PDGFRB: variants seen among roughly 807,000 people sequenced by gnomAD.
PDGFRB encodes platelet derived growth factor receptor beta.
PDGFRB carries 42 observed loss-of-function variants against 120.2 expected under a neutral mutation model. The observed-to-expected ratio is 0.35, with a 90% CI of 0.27 to 0.45. The LOEUF (loss-of-function observed/expected upper bound fraction) is 0.45, where lower values mean the gene tolerates loss of function less well. Among genes scored for constraint, PDGFRB ranks in the 20% least tolerant of loss-of-function variants. The probability of loss-of-function intolerance (pLI) is 1.00; values close to 1 mark genes in which losing one functional copy is unlikely to be tolerated. For synonymous variants in PDGFRB, 586 were observed against 606.8 expected, an observed-to-expected ratio of 0.97 and a Z score of 0.50; for missense variants, 1,149 against 1,476.3, an observed-to-expected ratio of 0.78 and a Z score of 3.63.
intron 1 of PDGFRB, among the ~76,000 whole-genome samples, chr5:150,148,875 G>C (rs561235475): frequency 6.6e-6 from 1 of 152,294 alleles, no homozygotes; most frequent in Non-Finnish European, 1.5e-5. Context: ...GCCAGGGAAA[G>C]GTATGGCCAG....
In PDGFRB at chr5:150,122,952, C is replaced by A. The variant is rs906944807; in HGVS notation, c.2183+90G>T. On this transcript the variant is annotated intron_variant, in intron 15 of 22. Transcript: ENST00000261799. ...GATTCTGTCCCCTGCCCTGTCACAG[C>A]CTCAGCTTCCCCTCCTGGACAAAAG... The A allele has an allele frequency of 4.2e-6, 5 of 1,185,240 alleles. No individual in the cohort carries two copies. The African/African-American group carries it at 6.0e-5, about 14-fold the overall frequency. 73.4% of individuals were successfully genotyped at this position (1,185,240 alleles called of 1,614,324 possible).
In PDGFRB at chr5:150,120,124, C is replaced by G. The variant is rs113511836; in HGVS notation, c.2587-1G>C. The G allele has an allele frequency of 7.0e-7, 1 of 1,428,954 alleles. No homozygotes were observed. The highest frequency in any genetic ancestry group is 1.1e-5 in the South Asian group (1 of 87,414). The allele number at this position is 1,428,954 out of a possible 1,614,324, so 88.5% of individuals were successfully genotyped here. On this transcript the variant is annotated splice_acceptor_variant, in intron 18 of 22. Coordinates refer to ENST00000261799, the MANE Select transcript of PDGFRB (RefSeq NM_002609.4). LOFTEE classifies it high-confidence loss of function. The surrounding 1 kb of genome is among the most constrained non-coding windows in gnomAD (Gnocchi z 4.3). Reference sequence around the variant, plus strand: ...CCATCCACTTTAAAGGCAAAAAGGTCTGTAGGGAGGTCAGGACAGGTGCTG... The same window carrying G: ...CCATCCACTTTAAAGGCAAAAAGGTGTGTAGGGAGGTCAGGACAGGTGCTG...
intron 4 of PDGFRB, 64 bp from the exon 5 acceptor site, chr5:150,134,072 G>C: frequency 6.7e-7 from 1 of 1,503,322 alleles, no homozygotes; most frequent in Non-Finnish European, 9.2e-7. Flanking sequence ...CTTCAGCTTG[G>C]GGATAGGGTA....
chr5:150,126,438 C>A, intron 11 of PDGFRB, 82 bp downstream of exon 11: 1 of 817,246 alleles, frequency 1.2e-6, no homozygotes. Context: ...GATCACGCAG[C>A]ATTCAAGGAG....
rs1466057843 is a variant in PDGFRB, at chr5:150,121,448, TA to T, written c.2345-127del. 2 of 689,930 alleles carry T rather than the reference TA, an allele frequency of 2.9e-6. No homozygotes were observed. Among genetic ancestry groups the T allele is most frequent in the South Asian group, 1.6e-5 (1 of 61,516 alleles). 42.7% of individuals were successfully genotyped at this position (689,930 alleles called of 1,614,324 possible). ...GGCTACTGATCGTCTAGGTCTCCCC[TA>T]AAAGGAGAATGATTTCTTAATATCA... On this transcript the variant is annotated intron_variant, in intron 16 of 22. Transcript: ENST00000261799. This position sits in a 1 kb window ranked among gnomAD's most constrained non-coding sequence, Gnocchi z 4.1.
chr5:150,130,504 G>A, intron 9 of PDGFRB, 35 bp downstream of exon 9: 3 of 1,602,450 alleles, frequency 1.9e-6, no homozygotes, highest in Non-Finnish European at 2.6e-6. Context: ...TAGCCAGCTG[G>A]GGACACTGGG....
In PDGFRB at chr5:150,132,292, G is replaced by A. The variant is rs1760488787; in HGVS notation, c.1128-198C>T. The stretch of plus-strand genomic sequence containing the variant: ...CAGTTCCCCTAGGCCAAGAGGGAGG[G>A]TTGAGATGAACTGTGGGTGGGGGTG... On this transcript the variant is annotated intron_variant, in intron 7 of 22. Transcript: ENST00000261799. The surrounding 1 kb of genome is among the most constrained non-coding windows in gnomAD (Gnocchi z 5.0). Among the ~76,000 whole-genome samples the A allele has an allele frequency of 6.6e-6, 1 of 152,180 alleles. No individual in the cohort carries two copies. The highest frequency in any genetic ancestry group is 2.1e-4 in the South Asian group (1 of 4,834).
At chr5:150,133,007 GC>G in intron 6 of PDGFRB, 65 bp from the exon 7 acceptor site, 1 of 1,187,176 alleles carries the variant, frequency 8.4e-7, no homozygotes, top group Non-Finnish European at 1.2e-6. Flanking sequence ...CCCAAAGGAG[GC>G]CAGCCTGTGG....
Position 150,135,585 on chromosome 5 carries a change from C to T in PDGFRB, c.334G>A (p.Glu112Lys), listed in dbSNP as rs749932332. The change falls in exon 3 of 23, where the codon GAG (glutamate) becomes AAG (lysine). Residue 112 changes from glutamate to lysine, a missense_variant. Physicochemically the swap from Glu to Lys is moderately conservative, Grantham distance 56. Around this residue, in one of 3 missense-constraint regions of PDGFRB, gnomAD observed 879 missense variants for 1,108.6 expected, o/e 0.79. Coordinates refer to ENST00000261799, the MANE Select transcript of PDGFRB (RefSeq NM_002609.4). ...HNDSRGLETD[E>K]RKRLYIFVPD... Reference sequence around the variant, plus strand: ...ACAAAGATGTAGAGCCGTTTCCGCTCATCGGTCTCCAGTCCACGGGAGTCA... The same window carrying T: ...ACAAAGATGTAGAGCCGTTTCCGCTTATCGGTCTCCAGTCCACGGGAGTCA... 183 of 1,612,052 alleles carry T rather than the reference C, an allele frequency of 1.1e-4. No individual in the cohort carries two copies. Among genetic ancestry groups the T allele is most frequent in the Admixed American group, 3.0e-4 (18 of 59,854 alleles).
chr5:150,124,556 G>A, intron 13 of PDGFRB, 171 bp downstream of exon 13: 1 of 618,758 alleles, frequency 1.6e-6, no homozygotes, highest in Non-Finnish European at 2.9e-6. Context: ...CCAGGGAGAG[G>A]AACGCTCTTT....
chr5:150,133,899 C>A lies in PDGFRB; in HGVS notation c.741G>T (p.Trp247Cys). The change falls in exon 5 of 23, where the codon TGG becomes TGT. Residue 247 changes from tryptophan to cysteine, a missense_variant. Physicochemically the swap from Trp to Cys is radical, Grantham distance 215. Coordinates refer to ENST00000261799, the MANE Select transcript of PDGFRB (RefSeq NM_002609.4). The part of the protein sequence containing the change: ...VIGNEVVNFE[W>C]TYPRKESGRL... ...ACATTACTTCTTTGCGGGGGTATGT[C>A]CACTCGAAGTTGACCACCTCATTCC... 6.2e-7 allele frequency: 1 copy of A among 1,614,122 alleles called. No individual in the cohort carries two copies. Among genetic ancestry groups the A allele is most frequent in the East Asian group, 2.2e-5 (1 of 44,872 alleles).
intron 22 of PDGFRB, 94 bp downstream of exon 22, chr5:150,117,524 G>T (rs1228170600): frequency 7.2e-6 from 5 of 695,674 alleles, no homozygotes; most frequent in Admixed American, 2.5e-5. Flanking sequence ...AGGCAAACCT[G>T]GCAGCGCGCG....
At chr5:150,122,657 T>C (rs1006268809) in intron 15 of PDGFRB, among the ~76,000 whole-genome samples, 4 of 152,228 alleles carry the variant, frequency 2.6e-5, no homozygotes, top group Non-Finnish European at 5.9e-5. Context: ...TTGAGCTCCC[T>C]GAGAGGCAGT....
chr5:150,133,871 C>T lies in PDGFRB; in HGVS notation c.759+10G>A, dbSNP rs567430803. ...GCCCCTCCTCCGACCCCTGCCTGGCCCCACATTACTTCTTTGCGGGGGTAT... is the reference window on the plus strand; with the variant it reads ...GCCCCTCCTCCGACCCCTGCCTGGCTCCACATTACTTCTTTGCGGGGGTAT... On this transcript the variant is annotated intron_variant, in intron 5 of 22. Transcript: ENST00000261799. The T allele has an allele frequency of 6.2e-7, 1 of 1,614,106 alleles. No individual in the cohort carries two copies. Among genetic ancestry groups the T allele is most frequent in the Admixed American group, 1.7e-5 (1 of 60,024 alleles).
rs144608003 is a variant in PDGFRB at position 150,154,300 on chromosome 5, C to T, written c.-7+1097G>A. Among the ~76,000 whole-genome samples the T allele has an allele frequency of 2.1e-3, 322 of 152,182 alleles. 1 individual carries two copies. Among genetic ancestry groups the T allele is most frequent in the African/African-American group, 7.6e-3 (315 of 41,532 alleles). On this transcript the variant is annotated intron_variant, in intron 1 of 22. Coordinates refer to ENST00000261799, the MANE Select transcript of PDGFRB (RefSeq NM_002609.4). ...TCTGGGAATTCTGGGATCTGACTGGCGGGAACAAAAGGCCCAAGTTTGGAG... is the reference window on the plus strand; with the variant it reads ...TCTGGGAATTCTGGGATCTGACTGGTGGGAACAAAAGGCCCAAGTTTGGAG...
Position 150,137,051 on chromosome 5 carries a change from G to C in PDGFRB, c.-4C>G, listed in dbSNP as rs758326379. The C allele has an allele frequency of 3.7e-6, 6 of 1,613,030 alleles. No homozygotes were observed. Among genetic ancestry groups the C allele is most frequent in the Non-Finnish European group, 5.1e-6 (6 of 1,179,426 alleles). On this transcript the variant is annotated splice_region_variant and 5_prime_UTR_variant, in exon 2 of 23. Coordinates refer to ENST00000261799, the MANE Select transcript of PDGFRB (RefSeq NM_002609.4). ...GCATCGCACCCGGAAGCCGCATGGT[G>C]TCCTGCAGAGTTAAACAGGAGTCAG...
chr5:150,131,503 CCT>C (rs1760465457), intron 8 of PDGFRB, among the ~76,000 whole-genome samples: 1 of 152,202 alleles, frequency 6.6e-6, no homozygotes, highest in South Asian at 2.1e-4. Context: ...CTACCCGGCC[CCT>C]GTTTTTCCTC....
chr5:150,123,266 G>A, intron 14 of PDGFRB, 65 bp from the exon 15 acceptor site: 1 of 1,272,402 alleles, frequency 7.9e-7, no homozygotes, highest in Non-Finnish European at 1.1e-6. Flanking sequence ...AAGGCCATGA[G>A]GCTAATCAGG....
Position 150,121,109 on chromosome 5 carries a change from G to A in PDGFRB, c.2463+95C>T, listed in dbSNP as rs1242113887. 7 of 1,427,580 alleles carry A rather than the reference G, an allele frequency of 4.9e-6. No homozygotes were observed. The highest frequency in any genetic ancestry group is 4.2e-5 in the African/African-American group (3 of 71,136). 88.4% of individuals were successfully genotyped at this position (1,427,580 alleles called of 1,614,324 possible). On this transcript the variant is annotated intron_variant, in intron 17 of 22. Coordinates refer to ENST00000261799, the MANE Select transcript of PDGFRB (RefSeq NM_002609.4). This position sits in a 1 kb window ranked among gnomAD's most constrained non-coding sequence, Gnocchi z 4.1. ...GGAAAATACAACACTGCCCATGTGC[G>A]AGAGGCCACCCTGGTGTGCTCTTGG...
Sources: allele counts gnomAD v4.1 joint callset (sites outside exome capture counted in the v4.1 genomes callset), GRCh38; gene constraint gnomAD v4.1.1; regional missense constraint gnomAD v4.1.1; non-coding constraint Gnocchi (gnomAD v3.1); transcripts MANE v1.5; gene names NCBI Gene and HGNC (gene_info 2026-07-23, HGNC 2026-07-21).